The following PGM1 variants were observed in gnomAD, a reference collection of about 807,000 sequenced individuals.
PGM1 encodes the protein phosphoglucomutase-1.
PGM1 carries 52 observed loss-of-function variants against 55.6 expected under a neutral mutation model. The observed-to-expected ratio is 0.94, with a 90% CI of 0.75 to 1.18. The LOEUF (loss-of-function observed/expected upper bound fraction) is 1.18, where lower values mean the gene tolerates loss of function less well. PGM1 is among the 50% of genes most tolerant of loss of function. PGM1 has a pLI of 0.00. For missense variants in PGM1, 724 were observed against 729.3 expected (o/e 0.99, Z 0.08); for synonymous variants, 287 against 271.7 (o/e 1.06, Z -0.55).
Position 63,593,708 on chromosome 1 carries a change from A to G in PGM1, c.220A>G (p.Ile74Val). 2.5e-6 allele frequency: 4 copies of G among 1,599,078 alleles called. No homozygotes were observed. Among genetic ancestry groups the G allele is most frequent in the Non-Finnish European group, 3.4e-6 (4 of 1,175,390 alleles). The change falls in exon 1 of 11, where the codon ATC becomes GTC. Residue 74 changes from isoleucine to valine, a missense_variant. Coordinates refer to ENST00000371084, the MANE Select transcript of PGM1 (RefSeq NM_002633.3). ...CTACATGAAGGAGGCCATCCAGCTC[A>G]TCGCTCGCATCGCTGCCGCCAACGG... ...RFYMKEAIQL[I>V]ARIAAANGIG...
intron 1 of PGM1, among the ~76,000 whole-genome samples, chr1:63,594,504 G>T (rs1045495632): frequency 6.6e-6 from 1 of 151,978 alleles, no homozygotes. Context: ...ACGCCCTTAC[G>T]CAAGCAAGCA....
chr1:63,631,835 T>A (rs1649204473), intron 4 of PGM1, 53 bp downstream of exon 4: 5 of 1,568,166 alleles, frequency 3.2e-6, no homozygotes, highest in Non-Finnish European at 4.4e-6. Context: ...GAAGTTGCCC[T>A]CTTCTGTGTG....
At position 63,637,933 on chromosome 1, in the gene PGM1, T is replaced by C. The variant is rs138712242; in HGVS notation, c.1029-752T>C. ...TGCTTTCCTGGAAATAAGGCAAACA[T>C]TCTGGGAAGCAAATCTCGCTCAAAC... On this transcript the variant is annotated intron_variant, in intron 6 of 10. Transcript: ENST00000371084. 5.2e-3 allele frequency among the ~76,000 whole-genome samples: 789 copies of C among 152,300 alleles called. 8 individuals are homozygous for C. The highest frequency in any genetic ancestry group is 7.3e-3 in the Non-Finnish European group (499 of 68,018).
At chr1:63,633,229 A>C (rs1649245215) in intron 4 of PGM1, among the ~76,000 whole-genome samples, 3 of 152,276 alleles carry the variant, frequency 2.0e-5, no homozygotes, top group African/African-American at 4.8e-5. Context: ...ATTCTCATGG[A>C]GTCGGTGGCT....
chr1:63,635,013 A>T lies in PGM1; in HGVS notation c.867A>T (p.Gly289=). ...ATGATTTTGGGGCTGCCTTTGATGG[A>T]GATGGGGTGGGTATAAGTGCATTTA... The part of the protein sequence containing the change: ...GEHDFGAAFD[G]DGDRNMILGK... The change falls in exon 5 of 11, where the codon GGA becomes GGT. Residue 289 remains glycine (G), a synonymous_variant. Transcript: ENST00000371084. 6.2e-7 allele frequency: 1 copy of T among 1,613,612 alleles called. No homozygotes were observed.
At position 63,633,926 on chromosome 1, in the gene PGM1, ATATATATTT is replaced by A. The variant is rs1649281140; in HGVS notation, c.683-901_683-893del. ...TGTGTGTGTGTGTGTGTGTATATAT[ATATATATTT>A]TTTTTTTTTTTTTTTTTTTTTTTTT... On this transcript the variant is annotated intron_variant, in intron 4 of 10. Transcript: ENST00000371084. 9.3e-5 allele frequency among the ~76,000 whole-genome samples: 6 copies of A among 64,790 alleles called. 1 individual carries two copies. The highest frequency in any genetic ancestry group is 4.8e-4 in the African/African-American group (5 of 10,404). 42.5% of individuals were successfully genotyped at this position (64,790 alleles called of 152,430 possible). A position where few individuals can be genotyped will look rare whatever the true frequency, so the allele number is the denominator to read the frequency against.
intron 1 of PGM1, among the ~76,000 whole-genome samples, chr1:63,603,857 A>G (rs571061644): frequency 6.6e-6 from 1 of 152,328 alleles, no homozygotes; most frequent in East Asian, 1.9e-4. Context: ...ATGGTGGCAG[A>G]ATTGCCCATG....
chr1:63,632,037 T>C (rs1301494051), intron 4 of PGM1, among the ~76,000 whole-genome samples: 1 of 152,182 alleles, frequency 6.6e-6, no homozygotes, highest in African/African-American at 2.4e-5. Context: ...CTGAGTAACA[T>C]GCAACTGCTG....
Position 63,623,340 on chromosome 1 carries a change from C to G in PGM1, c.247-6085C>G, listed in dbSNP as rs540305463. On this transcript the variant is annotated intron_variant, in intron 1 of 10. Transcript: ENST00000371084. Reference sequence around the variant, plus strand: ...TTCTCATTGAGAGTGATCGTCCATGCAAACCCTCTATTTTAGTTACTCATA... The same window carrying G: ...TTCTCATTGAGAGTGATCGTCCATGGAAACCCTCTATTTTAGTTACTCATA... The G allele has an allele frequency of 6.0e-6, 9 of 1,508,596 alleles. No individual in the cohort carries two copies. In the South Asian group the frequency reaches 1.2e-4, roughly 21 times the overall value. The allele number at this position is 1,508,596 out of a possible 1,614,324, so 93.5% of individuals were successfully genotyped here.
intron 1 of PGM1, among the ~76,000 whole-genome samples, chr1:63,596,684 T>G (rs1360165352): frequency 1.3e-5 from 2 of 152,290 alleles, no homozygotes; most frequent in East Asian, 3.9e-4. Flanking sequence ...TCAGAAACCT[T>G]TCTTGACACC....
chr1:63,659,474 A>G, intron 10 of PGM1, 112 bp from the exon 11 acceptor site: 1 of 824,666 alleles, frequency 1.2e-6, no homozygotes, highest in East Asian at 2.5e-5. Context: ...GGATTTGTGG[A>G]GTTTGAGGAG....
chr1:63,626,852 C>T (rs2100979462), intron 1 of PGM1, among the ~76,000 whole-genome samples: 1 of 152,190 alleles, frequency 6.6e-6, no homozygotes. Context: ...AAGTCTGTGT[C>T]CATTGAACAA....
chr1:63,651,953 T>C (rs1037081331), intron 9 of PGM1, 101 bp downstream of exon 9: 36 of 1,137,986 alleles, frequency 3.2e-5, no homozygotes, highest in Non-Finnish European at 4.4e-5. Context: ...ATTTTTCTTT[T>C]GCTGCTGTGT....
chr1:63,643,747 T>C (rs1235066420), intron 7 of PGM1, among the ~76,000 whole-genome samples: 3 of 152,106 alleles, frequency 2.0e-5, no homozygotes, highest in African/African-American at 7.2e-5. Flanking sequence ...GGAGTACAAC[T>C]CATAGTCTAG....
At chr1:63,604,180 T>G (rs950836679) in intron 1 of PGM1, among the ~76,000 whole-genome samples, 1 of 152,220 alleles carries the variant, frequency 6.6e-6, no homozygotes, top group Non-Finnish European at 1.5e-5. Context: ...GTGAATTTGA[T>G]GTACACCACG....
chr1:63,594,206 CGGCTAGGACT>C, intron 1 of PGM1: 1 of 857,078 alleles, frequency 1.2e-6, no homozygotes, highest in Non-Finnish European at 1.4e-6. Flanking sequence ...CTGCTATTCT[CGGCTAGGACT>C]GGCGCTTCCC....
At chr1:63,632,585 A>G in intron 4 of PGM1, among the ~76,000 whole-genome samples, 1 of 152,226 alleles carries the variant, frequency 6.6e-6, no homozygotes. Context: ...GACAAAAGCG[A>G]TTCTGTCATT....
Position 63,651,713 on chromosome 1 carries a change from T to A in PGM1, c.1325T>A (p.Met442Lys). 1.2e-6 allele frequency: 2 copies of A among 1,613,864 alleles called. No homozygotes were observed. Among genetic ancestry groups the A allele is most frequent in the Non-Finnish European group, 1.7e-6 (2 of 1,179,814 alleles). ...EVEAEGANKM[M>K]KDLEALMFDR... ...GAAGCTGAGGGCGCAAACAAAATGA[T>A]GAAGGACTTGGAGGCCCTGATGTTT... The change falls in exon 9 of 11, where the codon ATG becomes AAG. Residue 442 changes from methionine to lysine, a missense_variant. Physicochemically the swap from Met to Lys is moderately conservative, Grantham distance 95. Transcript: ENST00000371084.
intron 1 of PGM1, among the ~76,000 whole-genome samples, chr1:63,594,628 T>C (rs1246911278): frequency 2.0e-5 from 3 of 149,796 alleles, no homozygotes; most frequent in Non-Finnish European, 4.4e-5. Context: ...AAAAAAAAAG[T>C]TTTTCAGTAA....
Sources: gnomAD v4.1 joint callset for allele counts (sites outside exome capture counted in the v4.1 genomes callset) on GRCh38, gnomAD v4.1.1 for gene constraint, MANE v1.5 for transcripts, NCBI Gene and HGNC (gene_info 2026-07-23, HGNC 2026-07-21) for gene names.